Variants in HACL1 observed in about 807,000 individuals in gnomAD.
HACL1 encodes 2-hydroxyacyl-CoA lyase 1.
A neutral mutation model predicts 74.2 loss-of-function variants in HACL1; 64 were observed. The observed-to-expected ratio is 0.86, with a 90% CI of 0.70 to 1.06. The LOEUF is 1.06. Among genes scored for constraint, HACL1 ranks in the 50% least tolerant of loss-of-function variants. The probability of loss-of-function intolerance (pLI) is 0.00; values close to 1 mark genes in which losing one functional copy is unlikely to be tolerated. For synonymous variants in HACL1, 230 were observed against 238.8 expected (o/e 0.96, Z 0.34); for missense variants, 728 against 719.7 (o/e 1.01, Z -0.13).
chr3:15,588,402 G>A (rs948936303), intron 5 of HACL1, among the ~76,000 whole-genome samples: 2 of 152,058 alleles, frequency 1.3e-5, no homozygotes, highest in Non-Finnish European at 2.9e-5. Context: ...AGACCAGCCT[G>A]GGCACCATGG....
At chr3:15,601,344 T>G (rs1469625438) in intron 1 of HACL1, 39 bp downstream of exon 1, 1 of 1,612,604 alleles carries the variant, frequency 6.2e-7, no homozygotes, top group African/African-American at 1.3e-5. Flanking sequence ...CCCCGCCAGC[T>G]TCCGTAGGAG....
At chr3:15,599,280 C>T (rs2064130809) in intron 2 of HACL1, among the ~76,000 whole-genome samples, 1 of 152,170 alleles carries the variant, frequency 6.6e-6, no homozygotes, top group Non-Finnish European at 1.5e-5. Flanking sequence ...CCTAAAGAAC[C>T]CTCAACTAAG....
chr3:15,597,018 G>T (rs894436516), intron 2 of HACL1, among the ~76,000 whole-genome samples: 1 of 152,080 alleles, frequency 6.6e-6, no homozygotes, highest in South Asian at 2.1e-4. Context: ...AGTTTGAGTT[G>T]CATCTTTTCA....
Position 15,601,152 on chromosome 3 carries a change from C to A in HACL1, c.124G>T (p.Glu42Ter), listed in dbSNP as rs1341088531. The change falls in exon 2 of 17, where the codon GAA becomes TAA. Residue 42 changes from glutamate to a stop codon, truncating the protein, a stop_gained. Transcript: ENST00000321169. LOFTEE classifies it high-confidence loss of function. ...AGCTGCTGGGCAGCAATGGCGATTT[C>A]GGTCACTGGGATGCCTACGATGCCA... The part of the protein sequence containing the change: ...IFGIVGIPVT[E>*]IAIAAQQLGI... The A allele has an allele frequency of 6.2e-7, 1 of 1,613,964 alleles. No individual in the cohort carries two copies. Among genetic ancestry groups the A allele is most frequent in the African/African-American group, 1.3e-5 (1 of 75,054 alleles).
In HACL1 at chr3:15,571,150, T is replaced by C. The variant is rs765447998; in HGVS notation, c.1095+518A>G. Among the ~76,000 whole-genome samples the C allele has an allele frequency of 1.4e-4, 22 of 151,790 alleles. 1 individual carries two copies. The highest frequency in any genetic ancestry group is 3.1e-4 in the Non-Finnish European group (21 of 67,914). ...TGTGCCACCACATCTGGCTTTTCTT[T>C]TTTTTTTTGTAGAGACAAGGTCTTG... On this transcript the variant is annotated intron_variant, in intron 12 of 16. Coordinates refer to ENST00000321169, the MANE Select transcript of HACL1 (RefSeq NM_012260.4).
intron 9 of HACL1, among the ~76,000 whole-genome samples, chr3:15,575,296 A>G (rs943447511): frequency 6.6e-6 from 1 of 152,158 alleles, no homozygotes; most frequent in South Asian, 2.1e-4. Context: ...GTTAAAAAAC[A>G]TTACCATAAG....
chr3:15,593,566 C>A (rs1181573955), intron 3 of HACL1, among the ~76,000 whole-genome samples: 1 of 152,088 alleles, frequency 6.6e-6, no homozygotes, highest in Non-Finnish European at 1.5e-5. Flanking sequence ...AGGTACCTAT[C>A]ATTTTCACAC....
intron 7 of HACL1, among the ~76,000 whole-genome samples, chr3:15,583,785 GTA>G (rs1161379793): frequency 6.6e-6 from 1 of 152,076 alleles, no homozygotes; most frequent in East Asian, 1.9e-4. Flanking sequence ...AGCCTCCTGA[GTA>G]GCTGGGACTA....
At chr3:15,599,362 AC>A (rs1238944389) in intron 2 of HACL1, among the ~76,000 whole-genome samples, 2 of 152,158 alleles carry the variant, frequency 1.3e-5, no homozygotes, top group Non-Finnish European at 2.9e-5. Context: ...TAATTCCTGG[AC>A]TTGAGTAATC....
Position 15,568,586 on chromosome 3 carries a change from C to A in HACL1, c.1096G>T (p.Glu366Ter). The A allele has an allele frequency of 6.7e-7, 1 of 1,489,948 alleles. No individual in the cohort carries two copies. The highest frequency in any genetic ancestry group is 2.3e-5 in the East Asian group (1 of 43,778). 92.3% of individuals were successfully genotyped at this position (1,489,948 alleles called of 1,614,324 possible). Residue 366 changes from glutamate to a stop codon, truncating the protein, a stop_gained and splice_region_variant, in exon 13 of 17, where the codon GAA becomes TAA. Coordinates refer to ENST00000321169, the MANE Select transcript of HACL1 (RefSeq NM_012260.4). LOFTEE classifies it high-confidence loss of function. ...GGCAGGGATTTTTTAGAAGCTAGTT[C>A]CTGAAAAGTAGATGGGAATATAATC... ...KMKSNEAASK[E>*]LASKKSLPMN...
intron 7 of HACL1, among the ~76,000 whole-genome samples, chr3:15,583,444 G>A (rs1442062528): frequency 1.3e-5 from 2 of 152,216 alleles, no homozygotes; most frequent in African/African-American, 2.4e-5. Context: ...TATTTGCTAT[G>A]TGCCATTTAT....
rs931800142 is a variant in HACL1 at position 15,570,370 on chromosome 3, C to T, written c.1095+1298G>A. ...AAAAAAAAAAAATTCCAATGTAAGA[C>T]AGATTCATGTACAATCAATTCTGCT... On this transcript the variant is annotated intron_variant, in intron 12 of 16. Transcript: ENST00000321169. Among the ~76,000 whole-genome samples, 7 of 151,490 alleles carry T rather than the reference C, an allele frequency of 4.6e-5. No homozygotes were observed. In the South Asian group the frequency reaches 1.3e-3, roughly 27 times the overall value.
chr3:15,600,241 G>A (rs2064174233), intron 2 of HACL1, among the ~76,000 whole-genome samples: 2 of 152,232 alleles, frequency 1.3e-5, no homozygotes, highest in Non-Finnish European at 2.9e-5. Context: ...ATGTATGATG[G>A]CAAAAGGCAC....
chr3:15,583,286 A>G (rs1244366172), intron 7 of HACL1, among the ~76,000 whole-genome samples: 2 of 152,252 alleles, frequency 1.3e-5, no homozygotes, highest in Non-Finnish European at 2.9e-5. Flanking sequence ...TCACATCATT[A>G]TCACATCTAG....
In HACL1 at chr3:15,570,342, C is replaced by CAA. The variant is rs774828349; in HGVS notation, c.1095+1324_1095+1325dup. On this transcript the variant is annotated intron_variant, in intron 12 of 16. Transcript: ENST00000321169. The stretch of plus-strand genomic sequence containing the variant: ...TGGCGACAGAGTGAGACTCTGTCCC[C>CAA]AAAAAAAAAAAAAATTCCAATGTAA... 1.4e-4 allele frequency among the ~76,000 whole-genome samples: 14 copies of CAA among 97,444 alleles called. No homozygotes were observed. In the East Asian group the frequency reaches 3.4e-3, roughly 24 times the overall value. 63.9% of individuals were successfully genotyped at this position (97,444 alleles called of 152,430 possible).
chr3:15,595,232 C>A (rs2064034434), intron 3 of HACL1, among the ~76,000 whole-genome samples: 1 of 152,028 alleles, frequency 6.6e-6, no homozygotes, highest in South Asian at 2.1e-4. Flanking sequence ...GCTTTCCAAG[C>A]TAAATGAAAA....
At chr3:15,599,295 T>G (rs1247685690) in intron 2 of HACL1, among the ~76,000 whole-genome samples, 2 of 152,152 alleles carry the variant, frequency 1.3e-5, no homozygotes, top group African/African-American at 4.8e-5. Context: ...ACTAAGCTTA[T>G]AGGGGCTGAA....
intron 11 of HACL1, 72 bp from the exon 12 acceptor site, chr3:15,571,841 T>TTC: frequency 1.6e-6 from 1 of 634,898 alleles, no homozygotes; most frequent in Non-Finnish European, 2.6e-6. Flanking sequence ...TTTTTTTTTT[T>TTC]TTTTTTTTTT....
At chr3:15,592,110 T>TAC (rs751633769) in intron 3 of HACL1, among the ~76,000 whole-genome samples, 1,643 of 141,582 alleles carry the variant, frequency 0.012, 46 homozygotes, top group African/African-American at 0.043. Flanking sequence ...TACGTATATA[T>TAC]ACACACTATA....
Sources: allele counts gnomAD v4.1 joint callset (sites outside exome capture counted in the v4.1 genomes callset), GRCh38; gene constraint gnomAD v4.1.1; transcripts MANE v1.5; gene names NCBI Gene and HGNC (gene_info 2026-07-23, HGNC 2026-07-21).